The following TGFBR3 variants were observed in gnomAD, a reference collection of about 807,000 sequenced individuals.
The protein encoded by TGFBR3 is transforming growth factor beta receptor type 3.
TGFBR3 carries 46 observed loss-of-function variants against 87.9 expected under a neutral mutation model. The observed-to-expected ratio is 0.52, with a 90% CI of 0.41 to 0.67. The LOEUF (loss-of-function observed/expected upper bound fraction) is 0.67, where lower values mean the gene tolerates loss of function less well. Among genes scored for constraint, TGFBR3 ranks in the 30% least tolerant of loss-of-function variants. The pLI, the probability that TGFBR3 is intolerant of heterozygous loss-of-function variation, is 0.00. For synonymous variants in TGFBR3, 381 were observed against 391.6 expected, an observed-to-expected ratio of 0.97 and a Z score of 0.32; for missense variants, 866 against 1,041.9, an observed-to-expected ratio of 0.83 and a Z score of 2.32.
intron 3 of TGFBR3, among the ~76,000 whole-genome samples, chr1:91,780,883 CT>C (rs1160100915): frequency 6.2e-4 from 66 of 107,212 alleles, no homozygotes; most frequent in African/African-American, 2.4e-3. Flanking sequence ...AACTAGAGAA[CT>C]ACACACACAC....
chr1:91,725,881 A>T (rs1672531970), intron 7 of TGFBR3, among the ~76,000 whole-genome samples: 1 of 152,256 alleles, frequency 6.6e-6, no homozygotes, highest in South Asian at 2.1e-4. Flanking sequence ...CTTTCTAAAT[A>T]GTAATTTAAA....
intron 2 of TGFBR3, among the ~76,000 whole-genome samples, chr1:91,834,929 C>T (rs374337590): frequency 1.2e-4 from 19 of 152,342 alleles, no homozygotes; most frequent in African/African-American, 4.6e-4. Context: ...ATCCACCTGC[C>T]TCAGCCTCCC....
chr1:91,796,904 AT>A (rs1265733304), intron 3 of TGFBR3, among the ~76,000 whole-genome samples: 1 of 146,636 alleles, frequency 6.8e-6, no homozygotes, highest in Non-Finnish European at 1.5e-5. Flanking sequence ...TTTTAGTTTT[AT>A]TTTTAGTAGA....
At chr1:91,870,380 C>T (rs958598660) in intron 1 of TGFBR3, among the ~76,000 whole-genome samples, 1 of 152,168 alleles carries the variant, frequency 6.6e-6, no homozygotes, top group Non-Finnish European at 1.5e-5. Context: ...GTATCTACTC[C>T]GACCCTTTAA....
chr1:91,887,462 CACTT>C (rs759732180), upstream of TGFBR3, among the ~76,000 whole-genome samples: 6 of 151,904 alleles, frequency 3.9e-5, no homozygotes, highest in Admixed American at 2.0e-4. Flanking sequence ...GCGGGGGTCT[CACTT>C]AGTTGCCCAG....
At chr1:91,785,047 T>G (rs1674906349) in intron 3 of TGFBR3, among the ~76,000 whole-genome samples, 1 of 152,170 alleles carries the variant, frequency 6.6e-6, no homozygotes, top group African/African-American at 2.4e-5. Context: ...ATCAAATGGG[T>G]GTGGCTTTAA....
In TGFBR3 at chr1:91,719,380, A is replaced by T. The variant is rs768020296; in HGVS notation, c.1498T>A (p.Ser500Thr). ...CGAGTACCGCAGCCATTCAGAGGAGACTCCAAAACAAAGTGTGTGCCATTC... is the reference window on the plus strand; with the variant it reads ...CGAGTACCGCAGCCATTCAGAGGAGTCTCCAAAACAAAGTGTGTGCCATTC... ...KMNGTHFVLESPLNGCGTRPR... is the reference protein window; with the variant it reads ...KMNGTHFVLETPLNGCGTRPR... The change falls in exon 10 of 17, where the codon TCT (serine) becomes ACT (threonine). Residue 500 changes from serine to threonine, a missense_variant. Coordinates refer to ENST00000212355, the MANE Select transcript of TGFBR3 (RefSeq NM_003243.5). The T allele has an allele frequency of 3.1e-6, 5 of 1,614,050 alleles. No individual in the cohort carries two copies. The highest frequency in any genetic ancestry group is 3.3e-4 in the Middle Eastern group (2 of 6,062).
chr1:91,765,852 A>C lies in TGFBR3; in HGVS notation c.247-7102T>G, dbSNP rs546425225. Reference sequence around the variant, plus strand: ...TGATTAGAAATTAAAATTTTAGACAAACTGAAGAAACTCAATATTTGCAAA... The same window carrying C: ...TGATTAGAAATTAAAATTTTAGACACACTGAAGAAACTCAATATTTGCAAA... On this transcript the variant is annotated intron_variant, in intron 3 of 16. Transcript: ENST00000212355. Among the ~76,000 whole-genome samples the C allele has an allele frequency of 7.8e-3, 1,187 of 152,320 alleles. 20 individuals are homozygous for C. Among genetic ancestry groups the C allele is most frequent in the African/African-American group, 0.027 (1,127 of 41,572 alleles).
At chr1:91,727,250 C>T (rs1672583517) in intron 7 of TGFBR3, among the ~76,000 whole-genome samples, 1 of 152,264 alleles carries the variant, frequency 6.6e-6, no homozygotes, top group Non-Finnish European at 1.5e-5. Flanking sequence ...AAGTACCTAA[C>T]TCCAAAATAA....
chr1:91,714,565 A>C (rs1175217653), intron 12 of TGFBR3, among the ~76,000 whole-genome samples: 3 of 152,200 alleles, frequency 2.0e-5, no homozygotes, highest in Non-Finnish European at 4.4e-5. Flanking sequence ...AAAAACTACC[A>C]ATAACACACT....
chr1:91,776,341 T>A (rs989007860), intron 3 of TGFBR3, among the ~76,000 whole-genome samples: 1 of 152,230 alleles, frequency 6.6e-6, no homozygotes, highest in Non-Finnish European at 1.5e-5. Flanking sequence ...AGGTGCTTAA[T>A]AAATAATGAT....
At chr1:91,701,436 T>C (rs1174181375) in intron 14 of TGFBR3, among the ~76,000 whole-genome samples, 1 of 152,164 alleles carries the variant, frequency 6.6e-6, no homozygotes, top group Non-Finnish European at 1.5e-5. Flanking sequence ...ATATTTACTT[T>C]TGGTTTAAGG....
chr1:91,830,874 G>C (rs1403084279), intron 2 of TGFBR3, among the ~76,000 whole-genome samples: 1 of 152,156 alleles, frequency 6.6e-6, no homozygotes, highest in Non-Finnish European at 1.5e-5. Flanking sequence ...TCTGCACCCT[G>C]TGTGCCGATC....
At chr1:91,796,136 C>A (rs1293712006) in intron 3 of TGFBR3, among the ~76,000 whole-genome samples, 2 of 152,098 alleles carry the variant, frequency 1.3e-5, no homozygotes, top group African/African-American at 4.8e-5. Flanking sequence ...CCCTGGAGAG[C>A]GAATACCTGA....
intron 3 of TGFBR3, among the ~76,000 whole-genome samples, chr1:91,795,037 C>T (rs1291541141): frequency 1.3e-5 from 2 of 152,226 alleles, no homozygotes; most frequent in African/African-American, 4.8e-5. Flanking sequence ...CAACCACAAA[C>T]AATCTTTCAT....
At chr1:91,751,315 T>C (rs986133333) in intron 4 of TGFBR3, among the ~76,000 whole-genome samples, 1 of 152,180 alleles carries the variant, frequency 6.6e-6, no homozygotes, top group Non-Finnish European at 1.5e-5. Context: ...GTCTGAGTTA[T>C]TCTTAGGGCG....
intron 4 of TGFBR3, among the ~76,000 whole-genome samples, chr1:91,735,179 C>G (rs1672921053): frequency 6.6e-6 from 1 of 152,216 alleles, no homozygotes. Context: ...CCTCTGAACT[C>G]TGAAAGAACC....
intron 7 of TGFBR3, among the ~76,000 whole-genome samples, chr1:91,726,484 C>T (rs1204052750): frequency 1.3e-5 from 2 of 150,966 alleles, no homozygotes; most frequent in Non-Finnish European, 2.9e-5. Context: ...ATTAATGTAT[C>T]ACCATTACAT....
chr1:91,899,679 T>C (rs1267036390), exon 2 of TGFBR3: 1 of 152,230 alleles, frequency 6.6e-6, no homozygotes, highest in Non-Finnish European at 1.5e-5. Flanking sequence ...GTCCCTCTGA[T>C]GTTGTGTCCT....
Sources: allele counts gnomAD v4.1 joint callset (sites outside exome capture counted in the v4.1 genomes callset), GRCh38; gene constraint gnomAD v4.1.1; transcripts MANE v1.5; gene names NCBI Gene and HGNC (gene_info 2026-07-23, HGNC 2026-07-21).